Variants in MAGI1 observed in about 807,000 individuals in gnomAD.
MAGI1 encodes membrane-associated guanylate kinase, WW and PDZ domain-containing protein 1.
A neutral mutation model predicts 139.9 loss-of-function variants in MAGI1; 58 were observed. The ratio of observed to expected loss-of-function variants is 0.41; its 90% confidence interval spans 0.34 to 0.52. MAGI1 has a LOEUF of 0.52. Ranked by LOEUF, MAGI1 falls within the 20% of genes least tolerant of loss-of-function variation. MAGI1 has a pLI of 0.12. For synonymous variants in MAGI1, 812 were observed against 737.9 expected (o/e 1.10, Z -1.63); for missense variants, 1,874 against 1,901.6 (o/e 0.99, Z 0.27).
intron 1 of MAGI1, among the ~76,000 whole-genome samples, chr3:65,702,073 C>T (rs990196033): frequency 6.6e-6 from 1 of 152,072 alleles, no homozygotes; most frequent in Non-Finnish European, 1.5e-5. Flanking sequence ...CTAGATGGAA[C>T]ATTTGCTATA....
intron 1 of MAGI1, among the ~76,000 whole-genome samples, chr3:65,953,634 CA>C (rs1258319891): frequency 6.6e-6 from 1 of 152,146 alleles, no homozygotes; most frequent in African/African-American, 2.4e-5. Flanking sequence ...GGCAGGTGTA[CA>C]AGGCCACATT....
chr3:65,576,142 T>A (rs1337872669), intron 2 of MAGI1, among the ~76,000 whole-genome samples: 1 of 152,230 alleles, frequency 6.6e-6, no homozygotes, highest in African/African-American at 2.4e-5. Context: ...TATGTATATA[T>A]ACACACAGAT....
At chr3:65,475,923 A>G (rs1680469468) in intron 4 of MAGI1, among the ~76,000 whole-genome samples, 1 of 152,036 alleles carries the variant, frequency 6.6e-6, no homozygotes, top group Admixed American at 6.6e-5. Flanking sequence ...TAGAAACAGC[A>G]GCAAGTTATT....
At chr3:65,691,837 A>T (rs569988123) in intron 1 of MAGI1, among the ~76,000 whole-genome samples, 7 of 152,324 alleles carry the variant, frequency 4.6e-5, no homozygotes, top group African/African-American at 1.7e-4. Flanking sequence ...GGCATGGCTA[A>T]CTGGACTGAA....
intron 2 of MAGI1, among the ~76,000 whole-genome samples, chr3:65,560,013 G>A (rs893546039): frequency 2.0e-5 from 3 of 152,166 alleles, no homozygotes; most frequent in African/African-American, 7.2e-5. Context: ...TCCAGCCTGG[G>A]CGAGAGAGTG....
Position 65,459,344 on chromosome 3 carries a change from T to C in MAGI1, c.960-6004A>G, listed in dbSNP as rs1288215844. The stretch of plus-strand genomic sequence containing the variant: ...TTTTATATTTCTGTGAGGAATATCT[T>C]TGGTATATTGATAGGGATTGCATTG... On this transcript the variant is annotated intron_variant, in intron 5 of 22. Coordinates refer to ENST00000402939, the MANE Select transcript of MAGI1 (RefSeq NM_001033057.2). 2.0e-5 allele frequency among the ~76,000 whole-genome samples: 3 copies of C among 152,208 alleles called. No homozygotes were observed. The East Asian group carries it at 5.8e-4, about 29-fold the overall frequency.
At chr3:65,736,344 T>C (rs1001009344) in intron 1 of MAGI1, among the ~76,000 whole-genome samples, 5 of 152,102 alleles carry the variant, frequency 3.3e-5, no homozygotes, top group Non-Finnish European at 7.4e-5. Flanking sequence ...GCTATTTGTA[T>C]TAGTCAGGGC....
At chr3:65,766,370 A>G (rs538483631) in intron 1 of MAGI1, among the ~76,000 whole-genome samples, 27 of 152,212 alleles carry the variant, frequency 1.8e-4, no homozygotes, top group African/African-American at 6.0e-4. Context: ...CGGGTACCAT[A>G]TTTTAGGAGG....
intron 14 of MAGI1, among the ~76,000 whole-genome samples, chr3:65,390,149 C>T (rs567609300): frequency 3.9e-5 from 6 of 152,276 alleles, no homozygotes; most frequent in East Asian, 1.9e-4. Context: ...CTCTCTGCCA[C>T]GACTCTCGAT....
In MAGI1 at chr3:65,840,095, G is replaced by A. The variant is rs1181303949; in HGVS notation, c.313+197901C>T. ...GTATATAGAAATAGCATTGATTTTT[G>A]TAAGCTTATCTTGTATCCTGTGACC... On this transcript the variant is annotated intron_variant, in intron 1 of 22. Coordinates refer to ENST00000402939, the MANE Select transcript of MAGI1 (RefSeq NM_001033057.2). Among the ~76,000 whole-genome samples the A allele has an allele frequency of 3.3e-5, 5 of 151,394 alleles. No homozygotes were observed. The East Asian group carries it at 5.8e-4, about 18-fold the overall frequency.
intron 2 of MAGI1, among the ~76,000 whole-genome samples, chr3:65,589,685 A>C (rs12635482): frequency 0.37 from 56,316 of 151,732 alleles, 11,841 homozygotes; most frequent in East Asian, 0.66. Context: ...AACACTCCCA[A>C]TGTGGCATAA....
intron 2 of MAGI1, among the ~76,000 whole-genome samples, chr3:65,498,346 T>C (rs1306683552): frequency 6.6e-6 from 1 of 151,592 alleles, no homozygotes; most frequent in Non-Finnish European, 1.5e-5. Flanking sequence ...CAATACTGCC[T>C]TCTCTTTTTC....
intron 2 of MAGI1, among the ~76,000 whole-genome samples, chr3:65,527,738 A>G (rs1394765070): frequency 1.3e-5 from 2 of 151,884 alleles, no homozygotes; most frequent in Non-Finnish European, 2.9e-5. Context: ...AAATGTATAT[A>G]AAAATAAAAA....
At chr3:65,702,140 C>T (rs923916296) in intron 1 of MAGI1, among the ~76,000 whole-genome samples, 2 of 151,998 alleles carry the variant, frequency 1.3e-5, no homozygotes, top group Non-Finnish European at 2.9e-5. Flanking sequence ...TGTTTACGAG[C>T]GAGCCCACTG....
intron 1 of MAGI1, among the ~76,000 whole-genome samples, chr3:65,793,717 G>A (rs1382890525): frequency 6.6e-6 from 1 of 152,144 alleles, no homozygotes; most frequent in Non-Finnish European, 1.5e-5. Flanking sequence ...TGGGAGGACT[G>A]CATTTCCAGG....
chr3:65,850,905 G>A (rs1007690057), intron 1 of MAGI1, among the ~76,000 whole-genome samples: 5 of 151,716 alleles, frequency 3.3e-5, no homozygotes, highest in African/African-American at 4.8e-5. Context: ...TCAGGAGTTC[G>A]AGACCAGCCT....
intron 1 of MAGI1, among the ~76,000 whole-genome samples, chr3:65,784,406 A>G (rs1356091477): frequency 6.6e-6 from 1 of 152,192 alleles, no homozygotes; most frequent in Non-Finnish European, 1.5e-5. Flanking sequence ...ATGCCTATCA[A>G]CTGATGACTG....
intron 7 of MAGI1, among the ~76,000 whole-genome samples, chr3:65,443,438 TCC>T (rs2107443098): frequency 6.6e-6 from 1 of 152,326 alleles, no homozygotes; most frequent in South Asian, 2.1e-4. Context: ...CAGCTCCTGA[TCC>T]CTAAGAGCTC....
chr3:65,437,974 G>A lies in MAGI1; in HGVS notation c.1271-727C>T, dbSNP rs368526184. On this transcript the variant is annotated intron_variant, in intron 9 of 22. Transcript: ENST00000402939. Reference sequence around the variant, plus strand: ...ATGCTTATACACTGTCGATGAGAATGTAAATTACTGCAACCTCTATAGAAC... The same window carrying A: ...ATGCTTATACACTGTCGATGAGAATATAAATTACTGCAACCTCTATAGAAC... Among the ~76,000 whole-genome samples, 16 of 152,306 alleles carry A rather than the reference G, an allele frequency of 1.1e-4. No homozygotes were observed. The South Asian group carries it at 3.3e-3, about 32-fold the overall frequency.
Sources: allele counts gnomAD v4.1 joint callset (sites outside exome capture counted in the v4.1 genomes callset), GRCh38; gene constraint gnomAD v4.1.1; transcripts MANE v1.5; gene names NCBI Gene and HGNC (gene_info 2026-07-23, HGNC 2026-07-21).